PLXNA1: variants seen among roughly 807,000 people sequenced by gnomAD.
The protein encoded by PLXNA1 is plexin A1.
A neutral mutation model predicts 191.7 loss-of-function variants in PLXNA1; 77 were observed. The observed-to-expected ratio is 0.40, with a 90% CI of 0.33 to 0.49. The LOEUF is 0.49. Among genes scored for constraint, PLXNA1 ranks in the 20% least tolerant of loss-of-function variants. PLXNA1 has a pLI of 0.63. For synonymous variants in PLXNA1, 1,137 were observed against 1,156.4 expected, an observed-to-expected ratio of 0.98 and a Z score of 0.34; for missense variants, 2,110 against 2,660.2, an observed-to-expected ratio of 0.79 and a Z score of 4.55.
intron 21 of PLXNA1, 104 bp downstream of exon 21, chr3:127,020,448 T>C (rs6439030): frequency 0.96 from 1,376,467 of 1,427,120 alleles, 663,950 homozygotes; most frequent in East Asian, 1. Flanking sequence ...GCAGCCTGTG[T>C]GGCCTGGGGG....
chr3:127,003,533 GTCACAGAGCAGTA>G, intron 4 of PLXNA1, 63 bp downstream of exon 4: 1 of 1,526,576 alleles, frequency 6.6e-7, no homozygotes, highest in East Asian at 2.4e-5. Flanking sequence ...AGGAACCCCA[GTCACAGAGCAGTA>G]GGGGTGGGGC....
chr3:127,033,110 T>G (rs1576694725), intron 31 of PLXNA1, among the ~76,000 whole-genome samples: 1 of 151,616 alleles, frequency 6.6e-6, no homozygotes, highest in South Asian at 2.1e-4. Flanking sequence ...AGGCAGAGGG[T>G]GTGTGGGTGG....
intron 1 of PLXNA1, among the ~76,000 whole-genome samples, chr3:126,984,166 T>A (rs1365211199): frequency 1.3e-5 from 2 of 151,974 alleles, no homozygotes; most frequent in African/African-American, 2.4e-5. Flanking sequence ...GGGAGGCCCC[T>A]CGGTCGGCGT....
At chr3:127,003,210 C>G (rs1392353722) in intron 3 of PLXNA1, 120 bp from the exon 4 acceptor site, 2 of 1,161,154 alleles carry the variant, frequency 1.7e-6, no homozygotes, top group Non-Finnish European at 2.3e-6. Flanking sequence ...CTGGTCCTCT[C>G]TGCTCATGCA....
At chr3:127,028,462 G>A in intron 25 of PLXNA1, 122 bp downstream of exon 25, 2 of 1,176,148 alleles carry the variant, frequency 1.7e-6, no homozygotes, top group Non-Finnish European at 2.3e-6. Context: ...TGGTCTGGAG[G>A]GCAGTGGAAT....
At chr3:127,028,731 C>G in intron 25 of PLXNA1, 2 of 557,336 alleles carry the variant, frequency 3.6e-6, no homozygotes, top group South Asian at 4.5e-5. Context: ...GCCTCGGTGC[C>G]AGGCTGAGGA....
At chr3:126,990,811 T>C (rs1162919415) in intron 2 of PLXNA1, among the ~76,000 whole-genome samples, 1 of 152,214 alleles carries the variant, frequency 6.6e-6, no homozygotes, top group Non-Finnish European at 1.5e-5. Context: ...GTGTTTTCTC[T>C]GCACCATACA....
chr3:126,989,212 A>G lies in PLXNA1; in HGVS notation c.619A>G (p.Met207Val). ...YFPTLSSRRL[M>V]ANEEDADMFG... ...CCCCACACTGTCCAGCCGTCGGCTC[A>G]TGGCCAACGAGGAGGATGCCGACAT... The change falls in exon 2 of 32, where the codon ATG (methionine) becomes GTG (valine). Residue 207 changes from methionine (M) to valine (V), a missense_variant. Met to Val is a conservative substitution (Grantham distance 21, BLOSUM62 1). Transcript: ENST00000393409. The G allele has an allele frequency of 1.2e-6, 2 of 1,613,642 alleles. No individual in the cohort carries two copies. The highest frequency in any genetic ancestry group is 1.7e-5 in the Admixed American group (1 of 60,032).
rs538187052 is a variant in PLXNA1 at position 126,998,567 on chromosome 3, C to T, written c.1378-4763C>T. ...ACGGTGGCCCCACCAGGTGTGGCCT[C>T]ACCAGCTGGGTGCTAGGTTCCCCAG... is the stretch of plus-strand genomic sequence containing the variant. On this transcript the variant is annotated intron_variant, in intron 3 of 31. Transcript: ENST00000393409. Among the ~76,000 whole-genome samples the T allele has an allele frequency of 7.9e-4, 121 of 152,304 alleles. No homozygotes were observed. The Middle Eastern group carries it at 0.01, about 13-fold the overall frequency.
chr3:127,015,911 C>T (rs1273308869), intron 15 of PLXNA1, among the ~76,000 whole-genome samples: 1 of 152,132 alleles, frequency 6.6e-6, no homozygotes, highest in Non-Finnish European at 1.5e-5. Context: ...CTCCTCACAG[C>T]CCCCTGGGAT....
At position 127,017,447 on chromosome 3, in the gene PLXNA1, C is replaced by G; in HGVS notation, c.3299C>G (p.Thr1100Ser). Residue 1100 changes from threonine to serine, a missense_variant, in exon 18 of 32, where the codon ACC (threonine) becomes AGC (serine). By Grantham distance (58) the Thr-to-Ser change is moderately conservative (BLOSUM62 1). Coordinates refer to ENST00000393409, the MANE Select transcript of PLXNA1 (RefSeq NM_032242.4). ...CAGGGCTGCCTGGTGTACAATGACA[C>G]CACCATGGTATGCCGCGCCCCGTCT... is the stretch of plus-strand genomic sequence containing the variant. ...RENGCLVYND[T>S]TMVCRAPSVA... 6.2e-7 allele frequency: 1 copy of G among 1,613,088 alleles called. No homozygotes were observed. Among genetic ancestry groups the G allele is most frequent in the Non-Finnish European group, 8.5e-7 (1 of 1,179,978 alleles).
At position 127,014,394 on chromosome 3, in the gene PLXNA1, C is replaced by T; in HGVS notation, c.2604+19C>T. On this transcript the variant is annotated intron_variant, in intron 12 of 31. Transcript: ENST00000393409. ...CCTCAAGGTAGGGCCCCCAGCCCTG[C>T]CCCCACACCCCATGCCCCGCCCTGC... 1 of 1,574,134 alleles carries T rather than the reference C, an allele frequency of 6.4e-7. No homozygotes were observed. Among genetic ancestry groups the T allele is most frequent in the South Asian group, 1.1e-5 (1 of 87,302 alleles).
intron 3 of PLXNA1, among the ~76,000 whole-genome samples, chr3:127,001,915 C>A (rs934371203): frequency 7.2e-5 from 11 of 152,248 alleles, no homozygotes; most frequent in Non-Finnish European, 1.6e-4. Flanking sequence ...TGCCTCTGGC[C>A]ACTGACCCAG....
intron 25 of PLXNA1, 54 bp downstream of exon 25, chr3:127,028,394 G>C (rs1035334119): frequency 2.6e-6 from 4 of 1,562,464 alleles, no homozygotes; most frequent in Non-Finnish European, 3.5e-6. Flanking sequence ...AGAGGGGCAG[G>C]GCCATGGCCT....
intron 1 of PLXNA1, among the ~76,000 whole-genome samples, 173 bp downstream of exon 1, chr3:126,983,460 TGCGGCGCGCGTGTCC>T (rs1378778397): frequency 1.4e-5 from 2 of 145,454 alleles, no homozygotes; most frequent in East Asian, 2.0e-4. Flanking sequence ...GCGTGGGGAC[TGCGGCGCGCGTGTCC>T]GCGGCCCGCG....
intron 1 of PLXNA1, among the ~76,000 whole-genome samples, chr3:126,987,543 T>TG (rs2078965308): frequency 6.6e-6 from 1 of 151,756 alleles, no homozygotes; most frequent in African/African-American, 2.4e-5. Context: ...GGGCCCGATG[T>TG]GGAGCAAGGC....
rs553907942 is a variant in PLXNA1 at position 127,002,919 on chromosome 3, C to T, written c.1378-411C>T. On this transcript the variant is annotated intron_variant, in intron 3 of 31. Transcript: ENST00000393409. ...ACTTCCTGTGAGCCCTGGCCTCTGC[C>T]CCCGACAACCAACATCCCTCCTTCA... Among the ~76,000 whole-genome samples the T allele has an allele frequency of 7.2e-5, 11 of 152,190 alleles. No individual in the cohort carries two copies. In the South Asian group the frequency reaches 1.2e-3, roughly 17 times the overall value.
intron 23 of PLXNA1, among the ~76,000 whole-genome samples, chr3:127,024,739 G>C (rs141891197): frequency 6.6e-6 from 1 of 152,166 alleles, no homozygotes; most frequent in Non-Finnish European, 1.5e-5. Flanking sequence ...CGTACTGGGC[G>C]CAAGGACATG....
chr3:126,985,207 G>A (rs2078952201), intron 1 of PLXNA1, among the ~76,000 whole-genome samples: 1 of 152,236 alleles, frequency 6.6e-6, no homozygotes, highest in African/African-American at 2.4e-5. Context: ...GCCAGGAAAG[G>A]GAAGGGGACA....
Sources: allele counts gnomAD v4.1 joint callset (sites outside exome capture counted in the v4.1 genomes callset), GRCh38; gene constraint gnomAD v4.1.1; transcripts MANE v1.5; gene names NCBI Gene and HGNC (gene_info 2026-07-23, HGNC 2026-07-21).